GPHN: variants seen among roughly 807,000 people sequenced by gnomAD.
GPHN encodes the protein gephyrin.
Under a neutral mutation model 95.5 loss-of-function variants are expected in GPHN, and 17 were observed. That is an observed-to-expected ratio of 0.18 (90% CI 0.12 to 0.27). GPHN has a LOEUF of 0.27. Among genes scored for constraint, GPHN ranks in the 10% least tolerant of loss-of-function variants. The probability of loss-of-function intolerance (pLI) is 1.00; values close to 1 mark genes in which losing one functional copy is unlikely to be tolerated. For synonymous variants in GPHN, 320 were observed against 322.5 expected (o/e 0.99, Z 0.08); for missense variants, 660 against 978.1 (o/e 0.67, Z 4.34).
chr14:66,697,365 A>T (rs7154017), intron 2 of GPHN, among the ~76,000 whole-genome samples: 3 of 152,180 alleles, frequency 2.0e-5, no homozygotes, highest in South Asian at 2.1e-4. Context: ...AACTTCTGTA[A>T]GCATCCTTTC....
intron 3 of GPHN, among the ~76,000 whole-genome samples, chr14:66,786,456 A>G (rs1270331447): frequency 6.6e-6 from 1 of 152,048 alleles, no homozygotes; most frequent in Non-Finnish European, 1.5e-5. Context: ...GAATTCTACC[A>G]AATATTTAAA....
At chr14:67,328,520 G>T in the GPHN span, among the ~76,000 whole-genome samples, 1 of 152,124 alleles carries the variant, frequency 6.6e-6, no homozygotes, top group African/African-American at 2.4e-5. Flanking sequence ...TGTTGCCATT[G>T]CTTTTGGTGT....
At chr14:67,210,828 C>T in the GPHN span, among the ~76,000 whole-genome samples, 2 of 151,934 alleles carry the variant, frequency 1.3e-5, no homozygotes, top group South Asian at 4.1e-4. Flanking sequence ...GCCTGGGCTA[C>T]ATGGTGAAAC....
At chr14:67,674,563 G>A in the GPHN span, 4 of 1,345,858 alleles carry the variant, frequency 3.0e-6, no homozygotes, top group South Asian at 1.5e-5. Flanking sequence ...GCGGTCAGCC[G>A]CCCAGCCCAG....
chr14:67,059,106 A>G (rs1189990195), intron 11 of GPHN: 3 of 417,282 alleles, frequency 7.2e-6, no homozygotes, highest in Middle Eastern at 6.4e-4. Context: ...CTCAGCACTG[A>G]GTGAGGAAAG....
chr14:67,361,670 A>C, the GPHN span, among the ~76,000 whole-genome samples: 217 of 152,362 alleles, frequency 1.4e-3, 1 homozygote, highest in Non-Finnish European at 2.3e-3. Flanking sequence ...ATAACTGACT[A>C]TGCAGGGTAT....
rs1040807036 is a variant in GPHN, at chr14:66,659,666, G to A, written c.65-21441G>A. ...GATGGATTAATTTTTTTATCATTAT[G>A]TATTGTGCCTCTCTGTCTCTGGTAA... is the stretch of plus-strand genomic sequence containing the variant. On this transcript the variant is annotated intron_variant, in intron 1 of 22. Coordinates refer to ENST00000478722, the MANE Select transcript of GPHN (RefSeq NM_020806.5). 2.6e-5 allele frequency among the ~76,000 whole-genome samples: 4 copies of A among 151,954 alleles called. No individual in the cohort carries two copies. The South Asian group carries it at 6.2e-4, about 24-fold the overall frequency.
chr14:67,205,892 A>G, the GPHN span, among the ~76,000 whole-genome samples: 1 of 152,188 alleles, frequency 6.6e-6, no homozygotes, highest in African/African-American at 2.4e-5. Context: ...CTAGGTCCAC[A>G]ATAGAAAAAA....
intron 8 of GPHN, among the ~76,000 whole-genome samples, chr14:66,936,800 A>T (rs2153570106): frequency 1.3e-5 from 2 of 152,310 alleles, no homozygotes; most frequent in Middle Eastern, 3.4e-3. Flanking sequence ...ATAAATAGAA[A>T]ATTTGTGCAA....
chr14:66,979,628 T>G (rs938747019), intron 9 of GPHN, among the ~76,000 whole-genome samples: 2 of 152,216 alleles, frequency 1.3e-5, no homozygotes, highest in African/African-American at 4.8e-5. Context: ...TCAGACTTTC[T>G]CCATATTAGC....
At chr14:67,667,143 A>G in the GPHN span, among the ~76,000 whole-genome samples, 66 of 152,306 alleles carry the variant, frequency 4.3e-4, no homozygotes, top group African/African-American at 1.5e-3. Context: ...GACATGGAGT[A>G]AAATGGAAAC....
At chr14:67,527,374 G>A in the GPHN span, among the ~76,000 whole-genome samples, 13 of 152,128 alleles carry the variant, frequency 8.5e-5, no homozygotes, top group East Asian at 1.9e-4. Flanking sequence ...GGAGCCGGAG[G>A]TTGCAGTGAG....
chr14:67,708,050 C>A, the GPHN span, among the ~76,000 whole-genome samples: 3 of 152,148 alleles, frequency 2.0e-5, no homozygotes, highest in East Asian at 5.8e-4. Flanking sequence ...ACTGCACTTA[C>A]GTAAATAGCT....
At chr14:67,473,138 C>CTTTGTAGTT in the GPHN span, 1 of 459,722 alleles carries the variant, frequency 2.2e-6, no homozygotes, top group African/African-American at 2.0e-5. The surrounding 1 kb of genome is among the most constrained non-coding windows in gnomAD (Gnocchi z 6.5). Flanking sequence ...CATAGTCCAT[C>CTTTGTAGTT]GCTGCTCAGC....
At chr14:66,940,745 G>A (rs1297886710) in intron 8 of GPHN, among the ~76,000 whole-genome samples, 1 of 152,104 alleles carries the variant, frequency 6.6e-6, no homozygotes, top group African/African-American at 2.4e-5. Context: ...TTCTTTCCTA[G>A]GGCGTTGACC....
intron 3 of GPHN, among the ~76,000 whole-genome samples, chr14:66,822,302 A>G (rs575373164): frequency 6.6e-6 from 1 of 152,286 alleles, no homozygotes; most frequent in East Asian, 1.9e-4. Flanking sequence ...CTATCTGTGA[A>G]ATTTACCCTT....
intron 5 of GPHN, among the ~76,000 whole-genome samples, chr14:66,890,330 C>A (rs1364578451): frequency 1.3e-5 from 2 of 151,360 alleles, no homozygotes; most frequent in Non-Finnish European, 2.9e-5. Context: ...ATCACTTGAG[C>A]CCAGGAGGTA....
chr14:66,803,631 T>A (rs944309474), intron 3 of GPHN, among the ~76,000 whole-genome samples: 1 of 152,222 alleles, frequency 6.6e-6, no homozygotes, highest in Non-Finnish European at 1.5e-5. Context: ...GGAATCCAAT[T>A]ATACTATATT....
At chr14:66,678,668 T>C (rs943996728) in intron 1 of GPHN, among the ~76,000 whole-genome samples, 9 of 152,196 alleles carry the variant, frequency 5.9e-5, no homozygotes, top group Non-Finnish European at 1.3e-4. Flanking sequence ...CATCCCTACA[T>C]TGATAACTGT....
Sources: allele counts gnomAD v4.1 joint callset (sites outside exome capture counted in the v4.1 genomes callset), GRCh38; gene constraint gnomAD v4.1.1; non-coding constraint Gnocchi (gnomAD v3.1); transcripts MANE v1.5; gene names NCBI Gene and HGNC (gene_info 2026-07-23, HGNC 2026-07-21).